Variants in ACOT1 observed in about 807,000 individuals in gnomAD.
ACOT1 encodes acyl-coenzyme A thioesterase 1.
Under a neutral mutation model 15.7 loss-of-function variants are expected in ACOT1, and 8 were observed. That is an observed-to-expected ratio of 0.51 (90% CI 0.30 to 0.92). The LOEUF is 0.92. Among genes scored for constraint, ACOT1 ranks in the 40% least tolerant of loss-of-function variants. ACOT1 has a pLI of 0.06. For synonymous variants in ACOT1, 67 were observed against 241.2 expected (o/e 0.28, Z 6.69); for missense variants, 151 against 539.4 (o/e 0.28, Z 7.13).
At chr14:73,505,380 G>T in the ACOT1 span, among the ~76,000 whole-genome samples, 1 of 151,554 alleles carries the variant, frequency 6.6e-6, no homozygotes, top group South Asian at 2.1e-4. Flanking sequence ...TGGGACAATG[G>T]TTTTTTTGTT....
the ACOT1 span, among the ~76,000 whole-genome samples, chr14:73,531,579 T>C: frequency 9.1e-6 from 1 of 109,300 alleles, no homozygotes; most frequent in Non-Finnish European, 2.0e-5. Flanking sequence ...CCACTAATTG[T>C]TGTACTTTTA....
the ACOT1 span, among the ~76,000 whole-genome samples, chr14:73,498,645 T>C: frequency 6.6e-6 from 1 of 152,208 alleles, no homozygotes; most frequent in African/African-American, 2.4e-5. Flanking sequence ...TATTTATCTA[T>C]GTCAAAAAGA....
the ACOT1 span, chr14:73,520,969 G>A: frequency 1.9e-6 from 3 of 1,613,810 alleles, no homozygotes; most frequent in East Asian, 6.7e-5. Context: ...GTCTTTTCAT[G>A]GATATCCTCA....
the ACOT1 span, chr14:73,492,740 C>G: frequency 1.2e-6 from 2 of 1,613,898 alleles, no homozygotes; most frequent in Non-Finnish European, 1.7e-6. This position sits in a 1 kb window ranked among gnomAD's most constrained non-coding sequence, Gnocchi z 4.9. Context: ...GGAAAACTCC[C>G]GTGTGTATCA....
chr14:73,505,213 G>C, the ACOT1 span, among the ~76,000 whole-genome samples: 1 of 152,056 alleles, frequency 6.6e-6, no homozygotes. Context: ...CACCGTACCG[G>C]ACCCCTTCAC....
At chr14:73,524,324 T>A in the ACOT1 span, among the ~76,000 whole-genome samples, 18 of 135,340 alleles carry the variant, frequency 1.3e-4, no homozygotes, top group African/African-American at 4.4e-4. Flanking sequence ...TATATATATA[T>A]ATATATATAT....
At chr14:73,513,588 G>A in the ACOT1 span, among the ~76,000 whole-genome samples, 3,032 of 151,830 alleles carry the variant, frequency 0.02, 116 homozygotes, top group African/African-American at 0.069. Context: ...TTAACCAAGT[G>A]TGGTGGCGGG....
At chr14:73,492,800 A>C in the ACOT1 span, 1 of 1,613,970 alleles carries the variant, frequency 6.2e-7, no homozygotes, top group Non-Finnish European at 8.5e-7. This position sits in a 1 kb window ranked among gnomAD's most constrained non-coding sequence, Gnocchi z 4.9. Context: ...AGCTGATGCC[A>C]TGGAACTGTT....
At chr14:73,521,255 C>T in the ACOT1 span, among the ~76,000 whole-genome samples, 1 of 152,114 alleles carries the variant, frequency 6.6e-6, no homozygotes, top group Admixed American at 6.5e-5. Context: ...TCCTGCCTGG[C>T]TACTAAAGGA....
the ACOT1 span, among the ~76,000 whole-genome samples, chr14:73,497,225 G>C: frequency 1.1e-4 from 17 of 151,422 alleles, no homozygotes; most frequent in African/African-American, 3.9e-4. Context: ...ATTTTTAGTA[G>C]AGACAGGTTT....
the ACOT1 span, among the ~76,000 whole-genome samples, chr14:73,524,120 A>G: frequency 6.6e-6 from 1 of 151,464 alleles, no homozygotes; most frequent in Non-Finnish European, 1.5e-5. Flanking sequence ...GTGAAATCCC[A>G]TCTCTACTAA....
chr14:73,519,124 T>A, the ACOT1 span: 3 of 1,613,934 alleles, frequency 1.9e-6, no homozygotes, highest in Non-Finnish European at 2.5e-6. Flanking sequence ...GACAATCTGG[T>A]CTCTCTTTGC....
chr14:73,510,269 A>G, the ACOT1 span, among the ~76,000 whole-genome samples: 1 of 152,100 alleles, frequency 6.6e-6, no homozygotes, highest in Admixed American at 6.5e-5. Context: ...CAAGGTAGGT[A>G]TCATTGTAGA....
the ACOT1 span, among the ~76,000 whole-genome samples, chr14:73,494,800 A>G: frequency 6.6e-6 from 1 of 152,084 alleles, no homozygotes; most frequent in Admixed American, 6.6e-5. Flanking sequence ...GCCTGGGGTG[A>G]TCCTCCCACC....
chr14:73,498,443 G>A, the ACOT1 span: 73 of 1,050,612 alleles, frequency 6.9e-5, no homozygotes, highest in African/African-American at 1.1e-3. Context: ...CTTCCCTTTT[G>A]GATGGTAATC....
At chr14:73,530,084 TC>T in the ACOT1 span, 1 of 132,486 alleles carries the variant, frequency 7.5e-6, no homozygotes, top group South Asian at 2.6e-4. Flanking sequence ...TGCCTCAGCG[TC>T]CCCAGTAGCT....
the ACOT1 span, among the ~76,000 whole-genome samples, chr14:73,499,558 T>C: frequency 6.6e-6 from 1 of 152,140 alleles, no homozygotes; most frequent in African/African-American, 2.4e-5. Flanking sequence ...GGAGCTATAA[T>C]TGAAAAATGA....
At chr14:73,492,173 G>C in the ACOT1 span, 1 of 1,613,966 alleles carries the variant, frequency 6.2e-7, no homozygotes, top group Non-Finnish European at 8.5e-7. This position sits in a 1 kb window ranked among gnomAD's most constrained non-coding sequence, Gnocchi z 4.9. Context: ...CGGTGAGCCG[G>C]TGCTGCAGAC....
At chr14:73,490,993 C>G in the ACOT1 span, 35 of 1,348,052 alleles carry the variant, frequency 2.6e-5, no homozygotes, top group African/African-American at 4.7e-4. Flanking sequence ...GCCGGCCGGG[C>G]GGGGAAGACT....
Sources: allele counts gnomAD v4.1 joint callset (sites outside exome capture counted in the v4.1 genomes callset), GRCh38; gene constraint gnomAD v4.1.1; non-coding constraint Gnocchi (gnomAD v3.1); transcripts MANE v1.5; gene names NCBI Gene and HGNC (gene_info 2026-07-23, HGNC 2026-07-21).